The following COG6 variants were observed in gnomAD, a reference collection of about 807,000 sequenced individuals.
COG6 encodes component of oligomeric golgi complex 6.
In COG6, 74 loss-of-function variants were observed where a neutral mutation model predicts 88.8. That is an observed-to-expected ratio of 0.83 (90% CI 0.69 to 1.01). The LOEUF (loss-of-function observed/expected upper bound fraction) is 1.01. COG6 is among the 50% of genes least tolerant of loss of function. COG6 has a pLI of 0.00. For synonymous variants in COG6, 286 were observed against 278.7 expected, an observed-to-expected ratio of 1.03 and a Z score of -0.26; for missense variants, 800 against 797.9, an observed-to-expected ratio of 1.00 and a Z score of -0.03.
intron 18 of COG6, among the ~76,000 whole-genome samples, chr13:39,731,742 C>CT (rs1207084061): frequency 6.6e-6 from 1 of 151,712 alleles, no homozygotes; most frequent in Non-Finnish European, 1.5e-5. Flanking sequence ...AAATTGAACA[C>CT]TTTTTTTTCT....
chr13:39,742,331 A>G (rs1020880319), intron 18 of COG6, among the ~76,000 whole-genome samples: 1 of 152,092 alleles, frequency 6.6e-6, no homozygotes, highest in Non-Finnish European at 1.5e-5. Flanking sequence ...GAGTCAAGAC[A>G]CATCAGTGTG....
At chr13:39,671,441 G>A (rs1017091831) in intron 4 of COG6, among the ~76,000 whole-genome samples, 1 of 150,708 alleles carries the variant, frequency 6.6e-6, no homozygotes, top group African/African-American at 2.4e-5. Flanking sequence ...TTCATTTAAA[G>A]TGGCTATTGC....
intron 7 of COG6, 59 bp downstream of exon 7, chr13:39,680,104 T>A: frequency 1.0e-6 from 1 of 967,012 alleles, no homozygotes; most frequent in Non-Finnish European, 1.7e-6. Flanking sequence ...TTTTTTAAAA[T>A]TTTACTTGGT....
chr13:39,754,631 G>A (rs896336749), downstream of COG6, among the ~76,000 whole-genome samples: 4 of 152,118 alleles, frequency 2.6e-5, no homozygotes, highest in African/African-American at 9.6e-5. Flanking sequence ...TAGGGCCTGG[G>A]CTAAAGTTAG....
At position 39,762,878 on chromosome 13, in the gene COG6, C is replaced by T. The variant is rs1009240609; in HGVS notation, c.1827-25457C>T. Among the ~76,000 whole-genome samples, 5 of 148,202 alleles carry T rather than the reference C, an allele frequency of 3.4e-5. 1 individual carries two copies. The highest frequency in any genetic ancestry group is 4.3e-4 in the South Asian group (2 of 4,642). On this transcript the variant is annotated intron_variant, in intron 18 of 18. Transcript: ENST00000416691. ...AATAGCAATGATAATGGTTACTTTT[C>T]TTAATTCAGATTTCAGTATCTCACC...
At chr13:39,692,884 C>T (rs543443329) in intron 11 of COG6, among the ~76,000 whole-genome samples, 1 of 152,108 alleles carries the variant, frequency 6.6e-6, no homozygotes, top group African/African-American at 2.4e-5. Flanking sequence ...GCCATTATTC[C>T]CGTTGCTGCT....
At chr13:39,709,912 T>C (rs1878147541) in intron 13 of COG6, among the ~76,000 whole-genome samples, 1 of 152,216 alleles carries the variant, frequency 6.6e-6, no homozygotes, top group South Asian at 2.1e-4. Context: ...GAAGTGGAAA[T>C]GGTCATAAAT....
intron 3 of COG6, chr13:39,663,957 C>G (rs572823843): frequency 2.6e-5 from 4 of 152,672 alleles, no homozygotes; most frequent in Non-Finnish European, 5.9e-5. Context: ...CTTAAAAAAT[C>G]TATTTCCTGG....
In COG6 at chr13:39,687,760, G is replaced by T; in HGVS notation, c.970G>T (p.Glu324Ter). Residue 324 changes from glutamate to a stop codon, truncating the protein, a stop_gained, in exon 10 of 19, where the codon GAA becomes TAA. Coordinates refer to ENST00000455146, the MANE Select transcript of COG6 (RefSeq NM_020751.3). LOFTEE classifies it high-confidence loss of function. ...CCATCAAGCTACTGCTTCTGAAAAGGAACACCTTGAAGCTCTCTTAAAGCA... is the reference window on the plus strand; with the variant it reads ...CCATCAAGCTACTGCTTCTGAAAAGTAACACCTTGAAGCTCTCTTAAAGCA... ...WLHQATASEK[E>*]HLEALLKHVT... 6.2e-7 allele frequency: 1 copy of T among 1,613,978 alleles called. No individual in the cohort carries two copies. The highest frequency in any genetic ancestry group is 1.1e-5 in the South Asian group (1 of 91,054).
At position 39,662,459 on chromosome 13, in the gene COG6, A is replaced by G. The variant is rs531939137; in HGVS notation, c.369+1578A>G. Among the ~76,000 whole-genome samples the G allele has an allele frequency of 3.4e-3, 523 of 151,932 alleles. 9 individuals are homozygous for G. Among genetic ancestry groups the G allele is most frequent in the African/African-American group, 0.012 (491 of 41,438 alleles). On this transcript the variant is annotated intron_variant, in intron 3 of 18. Transcript: ENST00000455146. ...TATATTTTCTTTGCACCCACCTCAC[A>G]TCCTGTTTTTTCTTCTGCAGTGGCA...
intron 4 of COG6, among the ~76,000 whole-genome samples, chr13:39,672,034 G>A (rs1166542955): frequency 6.6e-6 from 1 of 151,894 alleles, no homozygotes; most frequent in African/African-American, 2.4e-5. Context: ...AACTGAATAT[G>A]TCTACATGGT....
At position 39,694,388 on chromosome 13, in the gene COG6, G is replaced by A. The variant is rs1046169622; in HGVS notation, c.1075-246G>A. Among the ~76,000 whole-genome samples, 31 of 151,628 alleles carry A rather than the reference G, an allele frequency of 2.0e-4. 1 individual carries two copies. The highest frequency in any genetic ancestry group is 7.5e-4 in the African/African-American group (31 of 41,434). Reference sequence around the variant, plus strand: ...TGATCTCAATGTATTGACATTTCTGGTAACAACTGCCTTGAACCAAATTCT... The same window carrying A: ...TGATCTCAATGTATTGACATTTCTGATAACAACTGCCTTGAACCAAATTCT... On this transcript the variant is annotated intron_variant, in intron 11 of 18. Transcript: ENST00000455146.
chr13:39,663,324 A>T (rs1294563303), intron 3 of COG6, among the ~76,000 whole-genome samples: 1 of 152,132 alleles, frequency 6.6e-6, no homozygotes, highest in African/African-American at 2.4e-5. Flanking sequence ...AATGGTGTTG[A>T]TTGTAAGGTG....
intron 18 of COG6, among the ~76,000 whole-genome samples, chr13:39,731,897 G>A (rs1358044974): frequency 1.3e-5 from 2 of 152,140 alleles, no homozygotes; most frequent in Non-Finnish European, 2.9e-5. Context: ...AGAGACCTCA[G>A]AAAGTCCAAA....
chr13:39,660,700 T>G, intron 2 of COG6, 110 bp from the exon 3 acceptor site: 1 of 743,828 alleles, frequency 1.3e-6, no homozygotes, highest in Non-Finnish European at 2.3e-6. Flanking sequence ...TTGTCATGCC[T>G]TGACCAAAAA....
chr13:39,735,495 G>A (rs562666499), intron 18 of COG6, among the ~76,000 whole-genome samples: 1 of 152,010 alleles, frequency 6.6e-6, no homozygotes, highest in South Asian at 2.1e-4. Context: ...TTTTTGCTAG[G>A]TTCATCTTTT....
downstream of COG6, among the ~76,000 whole-genome samples, chr13:39,753,842 TC>T (rs1445774796): frequency 1.3e-5 from 2 of 152,164 alleles, no homozygotes; most frequent in African/African-American, 4.8e-5. Context: ...TCCTAACACT[TC>T]CATTTCTCTG....
chr13:39,733,782 G>A (rs1879588064), intron 18 of COG6, among the ~76,000 whole-genome samples: 1 of 151,984 alleles, frequency 6.6e-6, no homozygotes, highest in South Asian at 2.1e-4. Context: ...CTTTTTCTTT[G>A]CTGAGACACT....
chr13:39,775,367 T>C (rs1288607699), intron 18 of COG6, among the ~76,000 whole-genome samples: 1 of 152,230 alleles, frequency 6.6e-6, no homozygotes, highest in Non-Finnish European at 1.5e-5. Flanking sequence ...ATAGTTATGT[T>C]TCTAGGATTA....
Sources: allele counts gnomAD v4.1 joint callset (sites outside exome capture counted in the v4.1 genomes callset), GRCh38; gene constraint gnomAD v4.1.1; transcripts MANE v1.5; gene names NCBI Gene and HGNC (gene_info 2026-07-23, HGNC 2026-07-21).